PLA2R1: variants seen among roughly 807,000 people sequenced by gnomAD.
PLA2R1 encodes the protein phospholipase A2 receptor 1.
A neutral mutation model predicts 195.9 loss-of-function variants in PLA2R1; 158 were observed. That is an observed-to-expected ratio of 0.81 (90% CI 0.71 to 0.92). PLA2R1 has a LOEUF of 0.92. Ranked by LOEUF, PLA2R1 falls within the 40% of genes least tolerant of loss-of-function variation. The probability of loss-of-function intolerance (pLI) is 0.00; values close to 1 mark genes in which losing one functional copy is unlikely to be tolerated. For missense variants in PLA2R1, 1,626 were observed against 1,764.6 expected, an observed-to-expected ratio of 0.92 and a Z score of 1.41; for synonymous variants, 586 against 598.2, an observed-to-expected ratio of 0.98 and a Z score of 0.30.
In PLA2R1 at chr2:160,049,868, T is replaced by A. The variant is rs186642757; in HGVS notation, c.110-4711A>T. On this transcript the variant is annotated intron_variant, in intron 1 of 29. Transcript: ENST00000283243. ...AACAACAAATAAATAAAATAAGTTC[T>A]TAAAAACAAGTGATAACACTTACAA... Among the ~76,000 whole-genome samples the A allele has an allele frequency of 2.4e-3, 364 of 152,070 alleles. 2 individuals are homozygous for A. Among genetic ancestry groups the A allele is most frequent in the Non-Finnish European group, 4.5e-3 (304 of 67,980 alleles).
intron 1 of PLA2R1, among the ~76,000 whole-genome samples, chr2:160,048,838 ATTTTTTTTT>A (rs1205003993): frequency 1.6e-5 from 2 of 127,834 alleles, no homozygotes; most frequent in Non-Finnish European, 1.6e-5. Context: ...TAGAAGAAAC[ATTTTTTTTT>A]TTTTTTTTTT....
At chr2:159,924,686 A>G in the PLA2R1 span, among the ~76,000 whole-genome samples, 1 of 147,316 alleles carries the variant, frequency 6.8e-6, no homozygotes, top group South Asian at 2.2e-4. Context: ...CTGCTAAGGA[A>G]AGACCATTTA....
intron 4 of PLA2R1, among the ~76,000 whole-genome samples, chr2:160,031,234 G>A (rs1411713745): frequency 6.6e-6 from 1 of 152,116 alleles, no homozygotes; most frequent in Non-Finnish European, 1.5e-5. Flanking sequence ...AATAATTGGG[G>A]ATGTATGCAC....
chr2:159,970,270 G>A (rs1689072992), intron 17 of PLA2R1, 58 bp from the exon 18 acceptor site: 3 of 1,190,236 alleles, frequency 2.5e-6, no homozygotes, highest in Non-Finnish European at 2.5e-6. Context: ...TCACTATTAA[G>A]AGTAATGGGG....
chr2:160,001,080 A>C (rs754876927), intron 11 of PLA2R1, among the ~76,000 whole-genome samples: 2 of 152,114 alleles, frequency 1.3e-5, no homozygotes, highest in African/African-American at 4.8e-5. Context: ...GTTCCAGATC[A>C]CAGAAGGAAT....
chr2:159,930,908 TC>T (rs1686572044), downstream of PLA2R1, among the ~76,000 whole-genome samples: 1 of 152,212 alleles, frequency 6.6e-6, no homozygotes, highest in African/African-American at 2.4e-5. Context: ...ACAAGTTAAA[TC>T]AAGTTCCAAT....
intron 14 of PLA2R1, among the ~76,000 whole-genome samples, chr2:159,979,008 T>C (rs773978181): frequency 2.0e-5 from 3 of 152,180 alleles, no homozygotes; most frequent in Non-Finnish European, 2.9e-5. Flanking sequence ...CACTGAGTTA[T>C]TGTAAGGATG....
chr2:160,053,677 G>A (rs143024337), intron 1 of PLA2R1, among the ~76,000 whole-genome samples: 18 of 152,344 alleles, frequency 1.2e-4, no homozygotes, highest in African/African-American at 4.3e-4. Context: ...CAGGGCCCAG[G>A]CCTCCAGTCC....
chr2:159,979,367 G>A (rs1289932574), intron 14 of PLA2R1, among the ~76,000 whole-genome samples: 6 of 152,104 alleles, frequency 3.9e-5, no homozygotes, highest in Non-Finnish European at 8.8e-5. Context: ...GCTCTAGAAG[G>A]TGATATTTCT....
At chr2:159,966,244 G>A (rs1028086373) in intron 20 of PLA2R1, among the ~76,000 whole-genome samples, 23 of 152,122 alleles carry the variant, frequency 1.5e-4, no homozygotes, top group African/African-American at 4.1e-4. Flanking sequence ...TGCCAGTGTG[G>A]GTGAACCTTG....
At chr2:159,973,850 G>A (rs1689357449) in intron 17 of PLA2R1, among the ~76,000 whole-genome samples, 1 of 152,028 alleles carries the variant, frequency 6.6e-6, no homozygotes, top group Admixed American at 6.6e-5. Flanking sequence ...CATAGGCCAG[G>A]TGACAATTTT....
At chr2:159,948,061 G>C (rs1687494138) in intron 25 of PLA2R1, among the ~76,000 whole-genome samples, 1 of 152,062 alleles carries the variant, frequency 6.6e-6, no homozygotes, top group Non-Finnish European at 1.5e-5. Flanking sequence ...ATAAATAAGG[G>C]AACTCCAGAG....
chr2:159,980,378 C>A (rs919648685), intron 13 of PLA2R1, among the ~76,000 whole-genome samples: 1 of 152,168 alleles, frequency 6.6e-6, no homozygotes, highest in Non-Finnish European at 1.5e-5. Flanking sequence ...ACATCTCTAG[C>A]CAAGAGGACC....
chr2:160,016,792 T>A (rs1692803193), intron 8 of PLA2R1, 80 bp from the exon 9 acceptor site: 2 of 592,682 alleles, frequency 3.4e-6, no homozygotes, highest in Non-Finnish European at 6.1e-6. Context: ...ATAAAAAAAA[T>A]ATGATGAATA....
downstream of PLA2R1, among the ~76,000 whole-genome samples, chr2:159,928,477 G>T (rs182469178): frequency 4.6e-5 from 7 of 152,274 alleles, no homozygotes; most frequent in East Asian, 1.3e-3. Flanking sequence ...TACAAGGAAA[G>T]CTATAAAACA....
intron 28 of PLA2R1, among the ~76,000 whole-genome samples, chr2:159,943,502 GTGTT>G (rs1687204306): frequency 6.6e-6 from 1 of 152,176 alleles, no homozygotes; most frequent in Admixed American, 6.5e-5. Context: ...ACTGTTAAGA[GTGTT>G]TGTTCTCAGG....
intron 17 of PLA2R1, 70 bp downstream of exon 17, chr2:159,975,994 ATCCC>A (rs1250561238): frequency 4.9e-5 from 47 of 967,476 alleles, no homozygotes; most frequent in Middle Eastern, 2.1e-4. Flanking sequence ...CGAAAAAACT[ATCCC>A]TCCCTCCCTC....
chr2:159,947,490 T>A lies in PLA2R1; in HGVS notation c.3779A>T (p.Asn1260Ile). ...TSIPWIKFKS[N>I]CYSFSTVLDS... ...TAGGACTGTAGAAAAACTGTAGCAA[T>A]TACTTTTAAATTTTATCCAGGGAAT... Residue 1260 changes from asparagine to isoleucine, a missense_variant, in exon 26 of 30, where the codon AAT becomes ATT. Transcript: ENST00000283243. The A allele has an allele frequency of 1.2e-6, 2 of 1,613,160 alleles. No individual in the cohort carries two copies. Among genetic ancestry groups the A allele is most frequent in the Non-Finnish European group, 1.7e-6 (2 of 1,179,248 alleles).
chr2:159,924,332 C>CA, the PLA2R1 span, among the ~76,000 whole-genome samples: 3 of 152,188 alleles, frequency 2.0e-5, no homozygotes, highest in Non-Finnish European at 4.4e-5. Context: ...CATAAGGTAA[C>CA]ATTCGGATTC....
Sources: gnomAD v4.1 joint callset for allele counts (sites outside exome capture counted in the v4.1 genomes callset) on GRCh38, gnomAD v4.1.1 for gene constraint, MANE v1.5 for transcripts, NCBI Gene and HGNC (gene_info 2026-07-23, HGNC 2026-07-21) for gene names.